The following TCF3 variants were observed in gnomAD, a reference collection of about 807,000 sequenced individuals.
The protein encoded by TCF3 is transcription factor 3.
Under a neutral mutation model 72.3 loss-of-function variants are expected in TCF3, and 54 were observed. The ratio of observed to expected loss-of-function variants is 0.75; its 90% confidence interval spans 0.60 to 0.94. TCF3 has a LOEUF of 0.94. Ranked by LOEUF, TCF3 falls within the 40% of genes least tolerant of loss-of-function variation. The pLI, the probability that TCF3 is intolerant of heterozygous loss-of-function variation, is 0.00. For synonymous variants in TCF3, 525 were observed against 412.6 expected (o/e 1.27, Z -3.30); for missense variants, 1,078 against 934.4 (o/e 1.15, Z -2.00).
chr19:1,651,086 G>A (rs888989602), intron 1 of TCF3: 1 of 232,362 alleles, frequency 4.3e-6, no homozygotes, highest in African/African-American at 2.2e-5. Flanking sequence ...CTCAAGACCA[G>A]GGTGCTCCCG....
chr19:1,629,487 C>A (rs2063430472), intron 5 of TCF3, among the ~76,000 whole-genome samples: 1 of 152,018 alleles, frequency 6.6e-6, no homozygotes, highest in Admixed American at 6.6e-5. Flanking sequence ...CCAGGGCGAG[C>A]CCCCAGCATG....
chr19:1,647,744 G>A (rs1415778073), intron 2 of TCF3, among the ~76,000 whole-genome samples: 2 of 152,186 alleles, frequency 1.3e-5, no homozygotes, highest in East Asian at 1.9e-4. Context: ...AGGACACCAG[G>A]GCTGCACCAA....
intron 3 of TCF3, among the ~76,000 whole-genome samples, chr19:1,636,625 G>A (rs943727222): frequency 3.0e-4 from 46 of 152,150 alleles, no homozygotes; most frequent in African/African-American, 1.1e-3. Context: ...GGGAGAAGAT[G>A]AAAGACCAGG....
At chr19:1,638,337 A>T (rs1197333505) in intron 3 of TCF3, among the ~76,000 whole-genome samples, 37 of 152,234 alleles carry the variant, frequency 2.4e-4, no homozygotes, top group Admixed American at 2.4e-3. Flanking sequence ...ATGCAAATAC[A>T]CAATTATGAA....
chr19:1,626,119 C>A (rs1175151874), intron 6 of TCF3, among the ~76,000 whole-genome samples: 1 of 152,170 alleles, frequency 6.6e-6, no homozygotes, highest in Non-Finnish European at 1.5e-5. Flanking sequence ...GGAGCCAGGG[C>A]TGCCCTGAGC....
At position 1,609,795 on chromosome 19, in the gene TCF3, A is replaced by G. The variant is rs964639692; in HGVS notation, c.*1912T>C. 2.6e-5 allele frequency: 6 copies of G among 231,004 alleles called. No homozygotes were observed. Among genetic ancestry groups the G allele is most frequent in the Non-Finnish European group, 5.1e-5 (6 of 116,800 alleles). The allele number at this position is 231,004 out of a possible 1,614,324, so 14.3% of individuals were successfully genotyped here. On this transcript the variant is annotated 3_prime_UTR_variant, in exon 19 of 19. Coordinates refer to ENST00000262965, the MANE Select transcript of TCF3 (RefSeq NM_003200.5). ...TTCCCTTGCATCTACCATGGGGCCC[A>G]GGCTCCCAAGCCAGTCTGGGGAGGG...
intron 3 of TCF3, among the ~76,000 whole-genome samples, chr19:1,637,032 G>C (rs1318590610): frequency 6.6e-6 from 1 of 152,170 alleles, no homozygotes; most frequent in Non-Finnish European, 1.5e-5. Context: ...GGGCAACACA[G>C]GCAACCTCCT....
chr19:1,630,851 G>A (rs753787334), intron 5 of TCF3, among the ~76,000 whole-genome samples: 3 of 152,186 alleles, frequency 2.0e-5, no homozygotes, highest in Admixed American at 6.5e-5. Flanking sequence ...TGGGGCACAG[G>A]ACTTGACACT....
intron 2 of TCF3, among the ~76,000 whole-genome samples, chr19:1,646,787 C>CA (rs1358528468): frequency 3.3e-5 from 5 of 152,228 alleles, no homozygotes; most frequent in African/African-American, 1.2e-4. Context: ...CAGCTCTTGA[C>CA]AGTGATACAA....
chr19:1,632,413 C>T lies in TCF3; in HGVS notation c.146-8G>A, dbSNP rs2063819248. 4 of 1,587,884 alleles carry T rather than the reference C, an allele frequency of 2.5e-6. No individual in the cohort carries two copies. The highest frequency in any genetic ancestry group is 2.7e-5 in the African/African-American group (2 of 74,480). ...TGGGCCGGTCCTCAAGACCTGCAGG[C>T]AGGACAGAGAGAGTTATGGGTCACC... is the stretch of plus-strand genomic sequence containing the variant. On this transcript the variant is annotated splice_polypyrimidine_tract_variant and splice_region_variant and intron_variant, in intron 3 of 18. Transcript: ENST00000262965.
chr19:1,627,392 G>A lies in TCF3; in HGVS notation c.333C>T (p.Phe111=), dbSNP rs372149948. The change falls in exon 6 of 19, where the codon TTC becomes TTT. Residue 111 remains phenylalanine (F), a synonymous_variant. Transcript: ENST00000262965. Reference sequence around the variant, plus strand: ...GGCCGCCCACGCCTGCGTCTCTCCCGAAGGAGGCATAGGCGCCCCGCTCAC... The same window carrying A: ...GGCCGCCCACGCCTGCGTCTCTCCCAAAGGAGGCATAGGCGCCCCGCTCAC... ...KSGERGAYAS[F]GRDAGVGGLT... 5.7e-5 allele frequency: 92 copies of A among 1,611,840 alleles called. No individual in the cohort carries two copies. The highest frequency in any genetic ancestry group is 1.5e-4 in the African/African-American group (11 of 74,936).
In TCF3 at chr19:1,627,369, C is replaced by A. The variant is rs1453840360; in HGVS notation, c.356G>T (p.Gly119Val). 6.2e-7 allele frequency: 1 copy of A among 1,609,964 alleles called. No individual in the cohort carries two copies. Among genetic ancestry groups the A allele is most frequent in the Non-Finnish European group, 8.5e-7 (1 of 1,178,968 alleles). Reference protein sequence around the residue: ...ASFGRDAGVGGLTQAGFLSGE... With the variant: ...ASFGRDAGVGVLTQAGFLSGE... The stretch of plus-strand genomic sequence containing the variant: ...GCCCGAGCCCCTCACCTGAGTCAGG[C>A]CGCCCACGCCTGCGTCTCTCCCGAA... The change falls in exon 6 of 19, where the codon GGC becomes GTC. Residue 119 changes from glycine to valine, a missense_variant. By Grantham distance (109) the Gly-to-Val change is moderately radical. Coordinates refer to ENST00000262965, the MANE Select transcript of TCF3 (RefSeq NM_003200.5).
At chr19:1,634,739 G>C (rs891398905) in intron 3 of TCF3, among the ~76,000 whole-genome samples, 3 of 152,232 alleles carry the variant, frequency 2.0e-5, no homozygotes, top group Non-Finnish European at 4.4e-5. Flanking sequence ...GGGTAGGACT[G>C]AGATTGGTCT....
At chr19:1,629,498 G>T (rs1048525615) in intron 5 of TCF3, among the ~76,000 whole-genome samples, 1 of 151,954 alleles carries the variant, frequency 6.6e-6, no homozygotes. Context: ...CCCCAGCATG[G>T]AAGGCCTGGG....
chr19:1,619,497 G>A (rs2061917094), intron 14 of TCF3, 23 bp from the exon 15 acceptor site: 1 of 1,558,412 alleles, frequency 6.4e-7, no homozygotes, highest in East Asian at 2.3e-5. Context: ...GGGATGGGTG[G>A]TGAGGGGCCC....
At chr19:1,636,644 G>A (rs757002597) in intron 3 of TCF3, among the ~76,000 whole-genome samples, 4 of 152,148 alleles carry the variant, frequency 2.6e-5, no homozygotes, top group Non-Finnish European at 5.9e-5. Context: ...GGATGCCCTC[G>A]GCCCAGCTCG....
intron 16 of TCF3, among the ~76,000 whole-genome samples, chr19:1,618,838 C>A (rs1325716499): frequency 6.6e-6 from 1 of 152,228 alleles, no homozygotes; most frequent in Admixed American, 6.5e-5. Flanking sequence ...ACCCCTCGCC[C>A]CTTCCCCAGT....
At position 1,610,731 on chromosome 19, in the gene TCF3, C is replaced by T. The variant is rs373732931; in HGVS notation, c.*976G>A. 2.4e-4 allele frequency: 55 copies of T among 231,612 alleles called. No individual in the cohort carries two copies. The South Asian group carries it at 3.4e-3, about 15-fold the overall frequency. The allele number at this position is 231,612 out of a possible 1,614,324, so 14.3% of individuals were successfully genotyped here. A position where few individuals can be genotyped will look rare whatever the true frequency, so the allele number is the denominator to read the frequency against. On this transcript the variant is annotated 3_prime_UTR_variant, in exon 19 of 19. Transcript: ENST00000262965. Reference sequence around the variant, plus strand: ...ACCTGGGAGGGTCAGAGCCACCTTGCTGACGTCCCTTCCCCCAAGCCCAGG... The same window carrying T: ...ACCTGGGAGGGTCAGAGCCACCTTGTTGACGTCCCTTCCCCCAAGCCCAGG...
At chr19:1,652,123 G>A (rs1282462533) in intron 1 of TCF3, among the ~76,000 whole-genome samples, 177 bp downstream of exon 1, 5 of 149,202 alleles carry the variant, frequency 3.4e-5, no homozygotes, top group Non-Finnish European at 4.5e-5. Flanking sequence ...CCGCCCCCCC[G>A]GCGCCGCGCG....
Sources: gnomAD v4.1 joint callset for allele counts (sites outside exome capture counted in the v4.1 genomes callset) on GRCh38, gnomAD v4.1.1 for gene constraint, MANE v1.5 for transcripts, NCBI Gene and HGNC (gene_info 2026-07-23, HGNC 2026-07-21) for gene names.